The following R3HDM2 variants were observed in gnomAD, a reference collection of about 807,000 sequenced individuals.
The protein encoded by R3HDM2 is R3H domain containing 2.
Under a neutral mutation model 124.5 loss-of-function variants are expected in R3HDM2, and 38 were observed. The observed-to-expected ratio is 0.31, with a 90% CI of 0.24 to 0.40. The LOEUF is 0.40. R3HDM2 is among the 10% of genes least tolerant of loss of function. The pLI, the probability that R3HDM2 is intolerant of heterozygous loss-of-function variation, is 1.00. For missense variants in R3HDM2, 869 were observed against 1,236.9 expected (o/e 0.70, Z 4.46); for synonymous variants, 391 against 448.0 (o/e 0.87, Z 1.61).
chr12:57,303,310 G>T, intron 3 of R3HDM2, 93 bp from the exon 4 acceptor site: 1 of 1,184,336 alleles, frequency 8.4e-7, no homozygotes, highest in Non-Finnish European at 1.2e-6. Context: ...AGCACTAACT[G>T]TAAAAACCAT....
intron 11 of R3HDM2, among the ~76,000 whole-genome samples, 192 bp downstream of exon 11, chr12:57,292,380 A>G (rs576512272): frequency 3.9e-5 from 6 of 152,364 alleles, no homozygotes; most frequent in East Asian, 1.9e-4. Flanking sequence ...TGAAAACAAT[A>G]TAAGTGAAAA....
intron 2 of R3HDM2, among the ~76,000 whole-genome samples, chr12:57,334,975 CAAAA>C (rs781478665): frequency 1.7e-5 from 2 of 120,814 alleles, no homozygotes; most frequent in Non-Finnish European, 1.8e-5. Context: ...CCACCTCTAC[CAAAA>C]AAAAAAAAAA....
chr12:57,306,624 T>C (rs897624049), intron 3 of R3HDM2, among the ~76,000 whole-genome samples: 4 of 152,110 alleles, frequency 2.6e-5, no homozygotes, highest in Non-Finnish European at 5.9e-5. Context: ...TTGGCCAGGA[T>C]GGGCTCAATC....
At chr12:57,258,750 C>A in intron 20 of R3HDM2, 140 bp downstream of exon 20, 1 of 743,640 alleles carries the variant, frequency 1.3e-6, no homozygotes, top group East Asian at 3.0e-5. Flanking sequence ...AAAGAGGATG[C>A]TGTCTACTTC....
At chr12:57,390,041 A>C (rs1401183941) in intron 2 of R3HDM2, among the ~76,000 whole-genome samples, 2 of 152,224 alleles carry the variant, frequency 1.3e-5, no homozygotes, top group Admixed American at 1.3e-4. Context: ...CGAGAAACAA[A>C]GGAATTATTG....
At chr12:57,397,341 C>T (rs1242110509) in intron 1 of R3HDM2, among the ~76,000 whole-genome samples, 2 of 152,120 alleles carry the variant, frequency 1.3e-5, no homozygotes, top group East Asian at 3.8e-4. Context: ...ATGCCCAAGT[C>T]AGTCTGTATT....
chr12:57,302,538 C>T (rs1429775883), intron 4 of R3HDM2, among the ~76,000 whole-genome samples: 1 of 150,052 alleles, frequency 6.7e-6, no homozygotes, highest in Non-Finnish European at 1.5e-5. Flanking sequence ...TGGTGGCGGG[C>T]GCCTGTAATC....
intron 1 of R3HDM2, among the ~76,000 whole-genome samples, chr12:57,430,256 G>A (rs1869435665): frequency 6.6e-6 from 1 of 152,112 alleles, no homozygotes; most frequent in Non-Finnish European, 1.5e-5. Context: ...CAAGTTTTAA[G>A]CTATAGAAAC....
intron 2 of R3HDM2, among the ~76,000 whole-genome samples, chr12:57,315,431 C>T (rs2054812776): frequency 1.3e-5 from 2 of 152,174 alleles, no homozygotes; most frequent in African/African-American, 4.8e-5. Flanking sequence ...CCTGCCTTGG[C>T]CTTCCAAAGT....
chr12:57,267,435 G>T (rs954860699), intron 18 of R3HDM2, among the ~76,000 whole-genome samples: 1 of 152,128 alleles, frequency 6.6e-6, no homozygotes, highest in Non-Finnish European at 1.5e-5. Flanking sequence ...CACACCTGTA[G>T]TCCCAGCTAC....
chr12:57,285,428 A>G (rs907705651), intron 12 of R3HDM2, among the ~76,000 whole-genome samples: 1 of 143,752 alleles, frequency 7.0e-6, no homozygotes, highest in African/African-American at 2.5e-5. Flanking sequence ...TGCAACCCCA[A>G]GACTGAGAGA....
In R3HDM2 at chr12:57,259,004, T is replaced by A. The variant is rs767743426; in HGVS notation, c.2187A>T (p.Gly729=). Residue 729 remains glycine, a synonymous_variant, in exon 20 of 24, where the codon GGA becomes GGT. Coordinates refer to ENST00000402412, the MANE Select transcript of R3HDM2 (RefSeq NM_001394031.1). ...TGGATGGGTTCTGAGGGGGCTGGGGTCCATTAGGGACATTCAGCTGCATGA... is the reference window on the plus strand; with the variant it reads ...TGGATGGGTTCTGAGGGGGCTGGGGACCATTAGGGACATTCAGCTGCATGA... ...VVVMQLNVPN[G]PQPPQNPSMV... is the part of the protein sequence containing the mutation. 9.4e-5 allele frequency: 152 copies of A among 1,612,944 alleles called. No homozygotes were observed. The highest frequency in any genetic ancestry group is 1.3e-4 in the Non-Finnish European group (149 of 1,179,842).
chr12:57,379,043 A>G (rs2064462666), intron 2 of R3HDM2, among the ~76,000 whole-genome samples: 1 of 152,212 alleles, frequency 6.6e-6, no homozygotes, highest in Non-Finnish European at 1.5e-5. Context: ...GTAGAATGGT[A>G]CTTGCCAGGG....
intron 1 of R3HDM2, chr12:57,430,489 G>GGCCCCCCCCCCCCCCCCCCCCCC: frequency 1.3e-6 from 1 of 790,574 alleles, no homozygotes; most frequent in Non-Finnish European, 1.5e-6. Flanking sequence ...CCACCCCCCT[G>GGCCCCCCCCCCCCCCCCCCCCCC]CCCCCGCACC....
intron 2 of R3HDM2, among the ~76,000 whole-genome samples, chr12:57,346,271 A>G (rs1008825961): frequency 2.6e-5 from 4 of 152,106 alleles, no homozygotes; most frequent in African/African-American, 9.7e-5. Flanking sequence ...AGCCTGGCCA[A>G]CGTGGTGAAA....
At chr12:57,359,101 A>G (rs1167691816) in intron 2 of R3HDM2, among the ~76,000 whole-genome samples, 1 of 152,044 alleles carries the variant, frequency 6.6e-6, no homozygotes, top group Non-Finnish European at 1.5e-5. Flanking sequence ...TATTTTTAGT[A>G]GAGGCGAGGT....
intron 2 of R3HDM2, among the ~76,000 whole-genome samples, chr12:57,391,213 A>G (rs566657162): frequency 6.6e-6 from 1 of 152,192 alleles, no homozygotes; most frequent in Non-Finnish European, 1.5e-5. Context: ...TGAATGATTA[A>G]GCAAATGCGT....
At chr12:57,274,291 C>T (rs1043411445) in intron 14 of R3HDM2, among the ~76,000 whole-genome samples, 1 of 152,050 alleles carries the variant, frequency 6.6e-6, no homozygotes, top group East Asian at 1.9e-4. Flanking sequence ...CTGCCCAACA[C>T]GGTGAAACCC....
intron 13 of R3HDM2, among the ~76,000 whole-genome samples, chr12:57,282,739 T>C (rs978022874): frequency 1.3e-5 from 2 of 151,860 alleles, no homozygotes; most frequent in African/African-American, 4.8e-5. Flanking sequence ...CATAATTACA[T>C]AAAAGAAAAT....
Sources: allele counts gnomAD v4.1 joint callset (sites outside exome capture counted in the v4.1 genomes callset), GRCh38; gene constraint gnomAD v4.1.1; transcripts MANE v1.5; gene names NCBI Gene and HGNC (gene_info 2026-07-23, HGNC 2026-07-21).